SLC36A1: variants seen among roughly 807,000 people sequenced by gnomAD.
SLC36A1 encodes the protein proton-coupled amino acid transporter 1.
Under a neutral mutation model 47.5 loss-of-function variants are expected in SLC36A1, and 30 were observed. That is an observed-to-expected ratio of 0.63 (90% CI 0.47 to 0.86). The LOEUF is 0.86. SLC36A1 is among the 40% of genes least tolerant of loss of function. The pLI, the probability that SLC36A1 is intolerant of heterozygous loss-of-function variation, is 0.00. For synonymous variants in SLC36A1, 255 were observed against 249.7 expected (o/e 1.02, Z -0.20); for missense variants, 517 against 606.0 (o/e 0.85, Z 1.54).
At chr5:151,354,739 C>T in the SLC36A1 span, among the ~76,000 whole-genome samples, 6 of 152,164 alleles carry the variant, frequency 3.9e-5, no homozygotes, top group Non-Finnish European at 5.9e-5. Flanking sequence ...AGTCTTGGCA[C>T]TAACTCCTGT....
chr5:151,441,774 T>G (rs1301080052), intron 1 of SLC36A1, among the ~76,000 whole-genome samples: 1 of 152,146 alleles, frequency 6.6e-6, no homozygotes, highest in Non-Finnish European at 1.5e-5. Flanking sequence ...ATGCTTTTAT[T>G]GAAGTATAAT....
the SLC36A1 span, among the ~76,000 whole-genome samples, chr5:151,552,015 A>G: frequency 2.5e-5 from 3 of 119,164 alleles, no homozygotes; most frequent in East Asian, 2.4e-4. Flanking sequence ...GTGTGTGTGT[A>G]AAGGAAAAAT....
chr5:151,456,916 AG>A (rs760287381), intron 1 of SLC36A1, among the ~76,000 whole-genome samples: 30 of 152,106 alleles, frequency 2.0e-4, no homozygotes, highest in Non-Finnish European at 3.5e-4. Context: ...GTGTCGGGGC[AG>A]GGTGGGGTGC....
At chr5:151,503,711 C>A in the SLC36A1 span, among the ~76,000 whole-genome samples, 1 of 152,114 alleles carries the variant, frequency 6.6e-6, no homozygotes, top group Non-Finnish European at 1.5e-5. Context: ...GTCCCTTCTC[C>A]GTAACTAATG....
intron 10 of SLC36A1, among the ~76,000 whole-genome samples, chr5:151,487,476 T>C (rs989895032): frequency 3.3e-5 from 5 of 152,218 alleles, no homozygotes; most frequent in Admixed American, 1.3e-4. Context: ...TGTATCAAAA[T>C]GCTCTGTGAA....
the SLC36A1 span, among the ~76,000 whole-genome samples, chr5:151,425,665 G>A: frequency 1.3e-5 from 2 of 152,044 alleles, no homozygotes; most frequent in Admixed American, 6.6e-5. Flanking sequence ...AAAACCCATC[G>A]TGTCCCAAGT....
At chr5:151,478,856 C>T (rs1455791395) in intron 9 of SLC36A1, among the ~76,000 whole-genome samples, 1 of 151,868 alleles carries the variant, frequency 6.6e-6, no homozygotes, top group Non-Finnish European at 1.5e-5. Flanking sequence ...AATTGTAGCA[C>T]TCTGTAGGTA....
At chr5:151,545,789 T>C in the SLC36A1 span, 1 of 1,614,212 alleles carries the variant, frequency 6.2e-7, no homozygotes, top group African/African-American at 1.3e-5. Flanking sequence ...TTGTTGTTTT[T>C]ATCCATGATC....
At chr5:151,480,032 C>T (rs1474303126) in intron 10 of SLC36A1, 3 of 1,295,148 alleles carry the variant, frequency 2.3e-6, no homozygotes, top group Non-Finnish European at 3.2e-6. Context: ...GTGTTTTATT[C>T]TTCTTCTCTC....
the SLC36A1 span, among the ~76,000 whole-genome samples, chr5:151,357,185 A>T: frequency 6.6e-6 from 1 of 152,236 alleles, no homozygotes; most frequent in East Asian, 1.9e-4. Context: ...ACAAAGCCAC[A>T]AAAGGCCTTT....
chr5:151,495,131 T>C (rs1267156253), downstream of SLC36A1, among the ~76,000 whole-genome samples: 3 of 152,240 alleles, frequency 2.0e-5, no homozygotes, highest in African/African-American at 7.2e-5. Context: ...TTGCTCCATA[T>C]CTTCACCAAT....
the SLC36A1 span, among the ~76,000 whole-genome samples, chr5:151,501,277 G>A: frequency 6.6e-6 from 1 of 152,192 alleles, no homozygotes; most frequent in East Asian, 1.9e-4. Flanking sequence ...GCTGGGCTTG[G>A]AATCAAACCT....
chr5:151,451,076 A>G (rs1392423270), intron 1 of SLC36A1: 1 of 152,302 alleles, frequency 6.6e-6, no homozygotes, highest in East Asian at 1.9e-4. Context: ...GGGCCGATGG[A>G]TGGGGCATTG....
the SLC36A1 span, among the ~76,000 whole-genome samples, chr5:151,407,444 A>G: frequency 6.6e-6 from 1 of 151,418 alleles, no homozygotes; most frequent in Non-Finnish European, 1.5e-5. Flanking sequence ...TTAGCTAGAC[A>G]GAAAAGTTCT....
chr5:151,473,869 A>G (rs371375465), intron 8 of SLC36A1, 98 bp downstream of exon 8: 3 of 988,440 alleles, frequency 3.0e-6, no homozygotes, highest in South Asian at 1.4e-5. Flanking sequence ...GTTAGAAAGT[A>G]TCTTCTGAGG....
chr5:151,436,862 G>C (rs1283493457), upstream of SLC36A1, among the ~76,000 whole-genome samples: 3 of 152,122 alleles, frequency 2.0e-5, no homozygotes, highest in African/African-American at 7.2e-5. Context: ...AGCCCAAACT[G>C]ACGGGACCTG....
intron 7 of SLC36A1, 148 bp from the exon 8 acceptor site, chr5:151,473,525 C>G: frequency 4.9e-6 from 3 of 609,700 alleles, no homozygotes; most frequent in Non-Finnish European, 8.7e-6. Context: ...TTAAATGTCC[C>G]TAAATCATCT....
At chr5:151,521,703 G>C in the SLC36A1 span, 2 of 1,613,808 alleles carry the variant, frequency 1.2e-6, no homozygotes, top group African/African-American at 2.7e-5. Flanking sequence ...CCATCCACAT[G>C]GCCTGCTGCA....
the SLC36A1 span, among the ~76,000 whole-genome samples, chr5:151,522,528 C>T: frequency 2.0e-5 from 3 of 152,182 alleles, no homozygotes; most frequent in African/African-American, 7.2e-5. Context: ...TTTTGCTATG[C>T]GATTGGAGTG....
Sources: gnomAD v4.1 joint callset for allele counts (sites outside exome capture counted in the v4.1 genomes callset) on GRCh38, gnomAD v4.1.1 for gene constraint, MANE v1.5 for transcripts, NCBI Gene and HGNC (gene_info 2026-07-23, HGNC 2026-07-21) for gene names.